The following NSA2 variants were observed in gnomAD, a reference collection of about 807,000 sequenced individuals.
The protein encoded by NSA2 is NSA2 ribosome biogenesis factor.
A neutral mutation model predicts 34.8 loss-of-function variants in NSA2; 18 were observed. The observed-to-expected ratio is 0.52, with a 90% CI of 0.36 to 0.77. The LOEUF is 0.77. NSA2 is among the 30% of genes least tolerant of loss of function. The pLI, the probability that NSA2 is intolerant of heterozygous loss-of-function variation, is 0.00. For missense variants in NSA2, 188 were observed against 314.7 expected (o/e 0.60, Z 3.05); for synonymous variants, 79 against 100.2 (o/e 0.79, Z 1.26).
At chr5:74,772,865 A>T (rs1429188716) in intron 4 of NSA2, among the ~76,000 whole-genome samples, 1 of 152,136 alleles carries the variant, frequency 6.6e-6, no homozygotes, top group Non-Finnish European at 1.5e-5. Flanking sequence ...CCCCATCCCC[A>T]TGCACACAAA....
chr5:74,768,005 A>AT (rs1220689317), intron 1 of NSA2, among the ~76,000 whole-genome samples: 1 of 152,138 alleles, frequency 6.6e-6, no homozygotes, highest in Admixed American at 6.6e-5. Context: ...TATCATTTTT[A>AT]TTTTTGCAGC....
chr5:74,778,607 A>G lies in NSA2; in HGVS notation c.*1936A>G, dbSNP rs1190971634. 6.6e-6 allele frequency: 1 copy of G among 152,042 alleles called. No individual in the cohort carries two copies. The highest frequency in any genetic ancestry group is 1.5e-5 in the Non-Finnish European group (1 of 67,922). 9.4% of individuals were successfully genotyped at this position (152,042 alleles called of 1,614,324 possible). A position where few individuals can be genotyped will look rare whatever the true frequency, so the allele number is the denominator to read the frequency against. ...TGCTGTTTGATTTTATAAAAAAATC[A>G]TAATAGACCCTCTCACCTTTAAAAG... On this transcript the variant is annotated 3_prime_UTR_variant, in exon 6 of 6. Transcript: ENST00000610426.
At chr5:74,772,692 T>C (rs1437221189) in intron 4 of NSA2, among the ~76,000 whole-genome samples, 1 of 152,208 alleles carries the variant, frequency 6.6e-6, no homozygotes, top group Non-Finnish European at 1.5e-5. Flanking sequence ...TTTGGTAGCC[T>C]TAACAGTTCT....
intron 4 of NSA2, among the ~76,000 whole-genome samples, chr5:74,772,613 T>C (rs534241964): frequency 6.6e-6 from 1 of 152,310 alleles, no homozygotes; most frequent in East Asian, 1.9e-4. Context: ...TTACACAAAA[T>C]GTTTGCCCAC....
chr5:74,772,036 T>C (rs1744952356), intron 4 of NSA2, among the ~76,000 whole-genome samples: 1 of 151,766 alleles, frequency 6.6e-6, no homozygotes, highest in Non-Finnish European at 1.5e-5. Flanking sequence ...TGAACTATTC[T>C]CCCAGTTAGA....
At chr5:74,769,185 A>T in intron 2 of NSA2, 29 bp from the exon 3 acceptor site, 1 of 1,593,384 alleles carries the variant, frequency 6.3e-7, no homozygotes, top group Non-Finnish European at 8.5e-7. Context: ...TAAAACAGAT[A>T]ATCTTGAATC....
At chr5:74,771,677 C>G (rs1744934199) in intron 4 of NSA2, 1 of 151,268 alleles carries the variant, frequency 6.6e-6, no homozygotes, top group Non-Finnish European at 1.5e-5. Context: ...GAAACCCCAT[C>G]TCTACTAAAA....
chr5:74,777,709 GAAGGA>G lies in NSA2; in HGVS notation c.*1045_*1049del, dbSNP rs1258345930. 4.0e-5 allele frequency: 6 copies of G among 151,768 alleles called. No homozygotes were observed. The highest frequency in any genetic ancestry group is 8.8e-5 in the Non-Finnish European group (6 of 67,878). 9.4% of individuals were successfully genotyped at this position (151,768 alleles called of 1,614,324 possible). A position where few individuals can be genotyped will look rare whatever the true frequency, so the allele number is the denominator to read the frequency against. ...CTGAAACATCTTCATGAGGAAAACT[GAAGGA>G]AAGGAATTTAAAAACACAGACCAGG... is the stretch of plus-strand genomic sequence containing the variant. On this transcript the variant is annotated 3_prime_UTR_variant, in exon 6 of 6. Transcript: ENST00000610426.
intron 3 of NSA2, among the ~76,000 whole-genome samples, chr5:74,769,759 A>G (rs1381511654): frequency 6.6e-6 from 1 of 152,244 alleles, no homozygotes; most frequent in African/African-American, 2.4e-5. Flanking sequence ...TGTCACAAAA[A>G]ATGTGGCTTT....
rs1745152568 is a variant in NSA2, at chr5:74,776,992, T to TAATA, written c.*322_*325dup. ...CATTGAAAATGCCTTTCAAAAAGGT[T>TAATA]AATACACAATTATGTGTCTGAGAAT... On this transcript the variant is annotated 3_prime_UTR_variant, in exon 6 of 6. Transcript: ENST00000610426. 5.2e-6 allele frequency: 1 copy of TAATA among 193,014 alleles called. No homozygotes were observed. Among genetic ancestry groups the TAATA allele is most frequent in the Admixed American group, 5.8e-5 (1 of 17,156 alleles). The allele number at this position is 193,014 out of a possible 1,614,324, so 12.0% of individuals were successfully genotyped here.
chr5:74,776,566 A>G (rs750087978), intron 5 of NSA2, 38 bp from the exon 6 acceptor site: 1 of 1,052,804 alleles, frequency 9.5e-7, no homozygotes, highest in South Asian at 1.3e-5. Flanking sequence ...TTAGCTAACA[A>G]CCCTCCCTTT....
rs1425303250 is a variant in NSA2 at position 74,776,775 on chromosome 5, G to T, written c.*104G>T. On this transcript the variant is annotated 3_prime_UTR_variant, in exon 6 of 6. Transcript: ENST00000610426. The stretch of plus-strand genomic sequence containing the variant: ...CCAAACAGCCATACATGTCTGCAAT[G>T]AAGAGATTTATTAAATTGTAAACAT... The T allele has an allele frequency of 1.1e-5, 7 of 651,432 alleles. No individual in the cohort carries two copies. Among genetic ancestry groups the T allele is most frequent in the African/African-American group, 1.8e-5 (1 of 54,208 alleles). The allele number at this position is 651,432 out of a possible 1,614,324, so 40.4% of individuals were successfully genotyped here. A position where few individuals can be genotyped will look rare whatever the true frequency, so the allele number is the denominator to read the frequency against.
chr5:74,770,224 G>A (rs1349299752), intron 3 of NSA2, among the ~76,000 whole-genome samples: 4 of 151,658 alleles, frequency 2.6e-5, no homozygotes, highest in Admixed American at 1.3e-4. Context: ...CCAGCTACTC[G>A]GGAGGCTAAG....
In NSA2 at chr5:74,770,807, A is replaced by C; in HGVS notation, c.519A>C (p.Pro173=). 3.1e-6 allele frequency: 5 copies of C among 1,603,658 alleles called. No individual in the cohort carries two copies. Among genetic ancestry groups the C allele is most frequent in the Non-Finnish European group, 4.3e-6 (5 of 1,176,166 alleles). The part of the protein sequence containing the change: ...KPPKYERFIR[P]MGLRFKKAHV... ...CTAAATATGAAAGATTCATCAGGCC[A>C]ATGGTAAGTCCTTGGAAGAGTGTAA... is the stretch of plus-strand genomic sequence containing the variant. Residue 173 remains proline, a synonymous_variant, in exon 4 of 6, where the codon CCA becomes CCC. Transcript: ENST00000610426.
intron 5 of NSA2, 127 bp downstream of exon 5, chr5:74,774,187 C>A: frequency 1.1e-5 from 6 of 551,980 alleles, no homozygotes; most frequent in South Asian, 3.6e-5. Flanking sequence ...CACTGTAAAT[C>A]AGATGTAAAT....
At position 74,769,233 on chromosome 5, in the gene NSA2, A is replaced by G; in HGVS notation, c.211A>G (p.Arg71Gly). ...TGGTAGTATCAAGATGCATGAAAAG[A>G]GAAACACCAAACAAAAGAATGATGA... is the stretch of plus-strand genomic sequence containing the variant. ...MKKTIKMHEK[R>G]NTKQKNDEKT... The change falls in exon 3 of 6, where the codon AGA (arginine) becomes GGA (glycine). Residue 71 changes from arginine to glycine, a missense_variant. By Grantham distance (125) the Arg-to-Gly change is moderately radical. Transcript: ENST00000610426. The G allele has an allele frequency of 6.2e-7, 1 of 1,608,780 alleles. No individual in the cohort carries two copies. The highest frequency in any genetic ancestry group is 8.5e-7 in the Non-Finnish European group (1 of 1,178,806).
Position 74,770,711 on chromosome 5 carries a change from AAAG to A in NSA2, c.430_432del (p.Lys144del), listed in dbSNP as rs763687306. On this transcript the variant is annotated inframe_deletion, in exon 4 of 6. Coordinates refer to ENST00000610426, the MANE Select transcript of NSA2 (RefSeq NM_014886.6). ...TAAAAGTTATTCGAACAGGAAAGAG[AAAG>A]AAGAAGGCATGGAAGAGAATGGTTA... 2.7e-5 allele frequency: 43 copies of A among 1,613,502 alleles called. No homozygotes were observed. The highest frequency in any genetic ancestry group is 6.7e-5 in the East Asian group (3 of 44,860).
Position 74,769,038 on chromosome 5 carries a change from G to A in NSA2, c.111G>A (p.Lys37=). 6.2e-7 allele frequency: 1 copy of A among 1,612,292 alleles called. No homozygotes were observed. The highest frequency in any genetic ancestry group is 1.1e-5 in the South Asian group (1 of 90,830). The change falls in exon 2 of 6, where the codon AAG becomes AAA. Residue 37 remains lysine, a synonymous_variant. Transcript: ENST00000610426. ...GTCGAGAGGCTCATGAACGTTCAAA[G>A]AAGGCAAAGAAAATGATTGGTCTGA... is the stretch of plus-strand genomic sequence containing the variant. The part of the protein sequence containing the change: ...KESREAHERS[K]KAKKMIGLKA...
At chr5:74,767,507 G>T in intron 1 of NSA2, 144 bp downstream of exon 1, 1 of 905,270 alleles carries the variant, frequency 1.1e-6, no homozygotes, top group East Asian at 2.5e-5. Flanking sequence ...CCCGTGGGGT[G>T]GGCTCTGAGG....
Sources: allele counts gnomAD v4.1 joint callset (sites outside exome capture counted in the v4.1 genomes callset), GRCh38; gene constraint gnomAD v4.1.1; transcripts MANE v1.5; gene names NCBI Gene and HGNC (gene_info 2026-07-23, HGNC 2026-07-21).